Variants in PRKN observed in about 807,000 individuals in gnomAD.
The protein encoded by PRKN is E3 ubiquitin-protein ligase parkin.
A neutral mutation model predicts 59.5 loss-of-function variants in PRKN; 56 were observed. That is an observed-to-expected ratio of 0.94 (90% CI 0.76 to 1.18). PRKN has a LOEUF of 1.18. Ranked by LOEUF, PRKN falls within the 50% of genes most tolerant of loss-of-function variation. PRKN has a pLI of 0.00. For missense variants in PRKN, 657 were observed against 596.4 expected (o/e 1.10, Z -1.06); for synonymous variants, 250 against 222.1 (o/e 1.13, Z -1.12).
intron 7 of PRKN, among the ~76,000 whole-genome samples, chr6:161,734,298 A>G (rs1787876530): frequency 6.6e-6 from 1 of 152,236 alleles, no homozygotes; most frequent in Admixed American, 6.5e-5. Flanking sequence ...ATTCCATACA[A>G]TGAATGCTTT....
intron 2 of PRKN, among the ~76,000 whole-genome samples, chr6:162,398,271 T>A (rs923286242): frequency 6.6e-6 from 1 of 152,166 alleles, no homozygotes; most frequent in Non-Finnish European, 1.5e-5. Flanking sequence ...CTTTATAACA[T>A]CAACTTCATT....
chr6:162,274,597 C>T (rs771510038), intron 2 of PRKN, among the ~76,000 whole-genome samples: 3 of 152,174 alleles, frequency 2.0e-5, no homozygotes, highest in African/African-American at 4.8e-5. Context: ...CATCAACACT[C>T]TCTAATTTCA....
In PRKN at chr6:161,402,832, A is replaced by G. The variant is rs1214815958; in HGVS notation, c.1084-15955T>C. On this transcript the variant is annotated intron_variant, in intron 9 of 11. Coordinates refer to ENST00000366898, the MANE Select transcript of PRKN (RefSeq NM_004562.3). This position sits in a 1 kb window ranked among gnomAD's most constrained non-coding sequence, Gnocchi z 4.5. ...ATGTAGATAAACAATCTCTCAGGTA[A>G]TAAAAGTTGTCTCCGAGCAGCCCTG... Among the ~76,000 whole-genome samples the G allele has an allele frequency of 2.6e-5, 4 of 152,122 alleles. No individual in the cohort carries two copies. Among genetic ancestry groups the G allele is most frequent in the Non-Finnish European group, 4.4e-5 (3 of 68,016 alleles).
intron 6 of PRKN, among the ~76,000 whole-genome samples, chr6:161,809,853 T>C (rs1337270603): frequency 2.6e-5 from 4 of 152,234 alleles, no homozygotes; most frequent in Non-Finnish European, 4.4e-5. Flanking sequence ...CTTCAAATTA[T>C]TAAGTAGCTA....
At chr6:161,367,504 C>G (rs1041087182) in intron 10 of PRKN, among the ~76,000 whole-genome samples, 11 of 148,944 alleles carry the variant, frequency 7.4e-5, no homozygotes, top group African/African-American at 2.7e-4. Context: ...AGTATGTGCT[C>G]AAAGGTTATG....
chr6:162,577,250 A>G (rs1054365018), intron 1 of PRKN, among the ~76,000 whole-genome samples: 5 of 102,784 alleles, frequency 4.9e-5, no homozygotes. Flanking sequence ...CAATAATAGG[A>G]AAAAAATCAA....
At chr6:161,594,709 T>C (rs1432697536) in intron 7 of PRKN, among the ~76,000 whole-genome samples, 3 of 138,406 alleles carry the variant, frequency 2.2e-5, no homozygotes, top group Admixed American at 7.3e-5. Context: ...ATAGAAGTTA[T>C]GAAATTTCAA....
intron 6 of PRKN, among the ~76,000 whole-genome samples, chr6:161,890,639 T>C (rs1263119443): frequency 6.6e-6 from 1 of 152,160 alleles, no homozygotes; most frequent in Admixed American, 6.6e-5. Context: ...CAGATGTCTG[T>C]CTGTGCCGTG....
At chr6:161,749,146 AC>A (rs1406449191) in intron 7 of PRKN, among the ~76,000 whole-genome samples, 1 of 151,952 alleles carries the variant, frequency 6.6e-6, no homozygotes, top group African/African-American at 2.4e-5. Flanking sequence ...TGTGTTGCTA[AC>A]CCCCTCCGGG....
intron 3 of PRKN, among the ~76,000 whole-genome samples, chr6:162,204,354 T>G (rs1784849078): frequency 1.3e-5 from 2 of 152,064 alleles, no homozygotes; most frequent in African/African-American, 4.8e-5. Flanking sequence ...CAGAGCTGAG[T>G]GACTCTGTAA....
intron 1 of PRKN, among the ~76,000 whole-genome samples, chr6:162,626,814 C>CAA (rs5881483): frequency 7.5e-6 from 1 of 133,826 alleles, no homozygotes. Context: ...ACTCTGTCTC[C>CAA]AAAAAAAAAA....
chr6:161,589,611 A>G (rs1027862312), intron 7 of PRKN, among the ~76,000 whole-genome samples: 11 of 151,954 alleles, frequency 7.2e-5, no homozygotes, highest in African/African-American at 2.7e-4. Flanking sequence ...AAAACCATCT[A>G]TTTTGTGTAT....
intron 8 of PRKN, among the ~76,000 whole-genome samples, chr6:161,556,032 C>T (rs1376252109): frequency 6.6e-6 from 1 of 152,146 alleles, no homozygotes; most frequent in Non-Finnish European, 1.5e-5. Flanking sequence ...ATTACTATGA[C>T]AATAGCTTTT....
At chr6:161,849,450 T>TA (rs1195620442) in intron 6 of PRKN, among the ~76,000 whole-genome samples, 1 of 152,210 alleles carries the variant, frequency 6.6e-6, no homozygotes, top group Non-Finnish European at 1.5e-5. Context: ...ACTCATTTAA[T>TA]AGAAAAAATA....
At chr6:161,649,094 A>G (rs148795447) in intron 7 of PRKN, among the ~76,000 whole-genome samples, 1 of 152,328 alleles carries the variant, frequency 6.6e-6, no homozygotes, top group East Asian at 1.9e-4. Flanking sequence ...GCATTGCTAC[A>G]TTTGTCAAAT....
At chr6:162,324,817 G>A (rs1783192739) in intron 2 of PRKN, among the ~76,000 whole-genome samples, 1 of 152,040 alleles carries the variant, frequency 6.6e-6, no homozygotes, top group Non-Finnish European at 1.5e-5. Context: ...TCGGCATGAA[G>A]GGGAAGAATA....
At chr6:162,540,781 TG>T (rs527624441) in intron 1 of PRKN, among the ~76,000 whole-genome samples, 131 of 142,748 alleles carry the variant, frequency 9.2e-4, no homozygotes, top group African/African-American at 3.3e-3. Flanking sequence ...CACTCCAGCC[TG>T]GGTGACAAGA....
At chr6:162,443,627 A>G in intron 1 of PRKN, 154 bp from the exon 2 acceptor site, 2 of 752,666 alleles carry the variant, frequency 2.7e-6, no homozygotes, top group Non-Finnish European at 4.6e-6. Context: ...TTAATGCTAT[A>G]GAGCAATATT....
intron 7 of PRKN, among the ~76,000 whole-genome samples, chr6:161,655,456 C>T (rs1290275443): frequency 6.6e-6 from 1 of 152,166 alleles, no homozygotes; most frequent in Admixed American, 6.5e-5. Context: ...GGCCCCTCAT[C>T]ACCACCAAGG....
Sources: gnomAD v4.1 joint callset for allele counts (sites outside exome capture counted in the v4.1 genomes callset) on GRCh38, gnomAD v4.1.1 for gene constraint, Gnocchi (gnomAD v3.1) non-coding constraint, MANE v1.5 for transcripts, NCBI Gene and HGNC (gene_info 2026-07-23, HGNC 2026-07-21) for gene names.